The following RNF17 variants were observed in gnomAD, a reference collection of about 807,000 sequenced individuals.
The protein encoded by RNF17 is spermatogenesis associated 23.
In RNF17, 31 loss-of-function variants were observed where a neutral mutation model predicts 200.5. That is an observed-to-expected ratio of 0.15 (90% CI 0.12 to 0.21). The LOEUF (loss-of-function observed/expected upper bound fraction) is 0.21. RNF17 is among the 10% of genes least tolerant of loss of function. The pLI, the probability that RNF17 is intolerant of heterozygous loss-of-function variation, is 1.00. For synonymous variants in RNF17, 606 were observed against 637.8 expected (o/e 0.95, Z 0.75); for missense variants, 1,628 against 1,905.1 (o/e 0.85, Z 2.71).
Position 24,862,737 on chromosome 13 carries a change from G to A in RNF17, c.3919G>A (p.Ala1307Thr). The stretch of plus-strand genomic sequence containing the variant: ...GGTTGGGAATGTCTGGCAACCAGAT[G>A]CAATAGAAGTTCTTCAACAACTGCT... Reference protein sequence around the residue: ...TPVGNVWQPDAIEVLQQLLSK... With the variant: ...TPVGNVWQPDTIEVLQQLLSK... The change falls in exon 28 of 36, where the codon GCA (alanine) becomes ACA (threonine). Residue 1307 changes from alanine to threonine, a missense_variant. Around this residue, in one of 5 missense-constraint regions of RNF17, gnomAD observed 609 missense variants for 681.9 expected, o/e 0.89. Transcript: ENST00000255324. 1 of 1,608,794 alleles carries A rather than the reference G, an allele frequency of 6.2e-7. No individual in the cohort carries two copies. The highest frequency in any genetic ancestry group is 8.5e-7 in the Non-Finnish European group (1 of 1,175,434).
chr13:24,842,753 T>C (rs1285428080), intron 19 of RNF17, among the ~76,000 whole-genome samples: 2 of 151,978 alleles, frequency 1.3e-5, no homozygotes, highest in African/African-American at 4.8e-5. Flanking sequence ...TGGAGGAGGC[T>C]GAGATGGGCG....
chr13:24,862,893 CCTT>C (rs1893241861), intron 28 of RNF17, 100 bp downstream of exon 28: 2 of 617,546 alleles, frequency 3.2e-6, no homozygotes, highest in Non-Finnish European at 5.6e-6. Flanking sequence ...ATGGTATATA[CCTT>C]CTTATGTGAA....
At chr13:24,784,626 G>A (rs1882854329) in intron 6 of RNF17, among the ~76,000 whole-genome samples, 1 of 152,112 alleles carries the variant, frequency 6.6e-6, no homozygotes, top group Non-Finnish European at 1.5e-5. Context: ...GTGTACAGTT[G>A]TTCATAATAG....
intron 6 of RNF17, among the ~76,000 whole-genome samples, chr13:24,786,052 T>C (rs11149218): frequency 0.12 from 18,855 of 152,180 alleles, 1,276 homozygotes; most frequent in Admixed American, 0.15. Flanking sequence ...GCCATTTGGT[T>C]TGTTTTCTGT....
intron 17 of RNF17, among the ~76,000 whole-genome samples, chr13:24,830,997 A>C (rs1301808471): frequency 6.6e-6 from 1 of 152,222 alleles, no homozygotes; most frequent in Non-Finnish European, 1.5e-5. Context: ...TAAAAAACTG[A>C]ACCTTGTTTA....
At chr13:24,850,214 T>G (rs1593427488) in intron 22 of RNF17, 127 bp from the exon 23 acceptor site, 2 of 483,790 alleles carry the variant, frequency 4.1e-6, no homozygotes. Context: ...ATGTTTAAAT[T>G]GTTTTTTTTA....
intron 23 of RNF17, among the ~76,000 whole-genome samples, chr13:24,851,093 C>G (rs1398537272): frequency 6.6e-6 from 1 of 152,188 alleles, no homozygotes; most frequent in East Asian, 1.9e-4. Context: ...CTCCCAGGTT[C>G]AAGAGCTTCT....
At chr13:24,825,307 TTGTA>T (rs139210865) in intron 15 of RNF17, among the ~76,000 whole-genome samples, 10,928 of 152,166 alleles carry the variant, frequency 0.072, 481 homozygotes, top group East Asian at 0.16. Context: ...ATGTAAGTGA[TTGTA>T]TGTGTGGTAA....
At chr13:24,767,226 T>C in intron 1 of RNF17, 46 bp from the exon 2 acceptor site, 1 of 1,346,686 alleles carries the variant, frequency 7.4e-7, no homozygotes, top group South Asian at 1.2e-5. Context: ...CCTGTCTCAA[T>C]AATCATCATC....
chr13:24,774,368 C>A (rs914905164), intron 2 of RNF17, among the ~76,000 whole-genome samples: 2 of 152,164 alleles, frequency 1.3e-5, no homozygotes, highest in African/African-American at 4.8e-5. Flanking sequence ...TGCCACCATG[C>A]CTGGCTAATT....
Position 24,842,065 on chromosome 13 carries a change from T to C in RNF17, c.2507T>C (p.Leu836Ser). The C allele has an allele frequency of 3.1e-6, 5 of 1,611,654 alleles. No individual in the cohort carries two copies. The South Asian group carries it at 5.5e-5, about 18-fold the overall frequency. ...GAAATTCTGGAAGATAATGTGCTCT[T>C]AGTTGAGCTTTTCGATTCTCTTGGT... is the stretch of plus-strand genomic sequence containing the variant. ...VIKILEDNVLLVELFDSLGAP... is the reference protein window; with the variant it reads ...VIKILEDNVLSVELFDSLGAP... Residue 836 changes from leucine (L) to serine (S), a missense_variant, in exon 19 of 36, where the codon TTA (leucine) becomes TCA (serine). Physicochemically the swap from Leu to Ser is moderately radical, Grantham distance 145. This residue lies in a region of RNF17 where 227 missense variants were observed against 319.8 expected (regional missense o/e 0.71). Coordinates refer to ENST00000255324, the MANE Select transcript of RNF17 (RefSeq NM_031277.3).
In RNF17 at chr13:24,843,988, T is replaced by TAA. The variant is rs1566212510; in HGVS notation, c.2831+18_2831+19dup. 1 of 690,662 alleles carries TAA rather than the reference T, an allele frequency of 1.4e-6. No individual in the cohort carries two copies. The highest frequency in any genetic ancestry group is 3.4e-5 in the East Asian group (1 of 29,032). The allele number at this position is 690,662 out of a possible 1,614,324, so 42.8% of individuals were successfully genotyped here. ...ACTTAATAGGTATAATATATATATA[T>TAA]AATATATAAGGAAAATATTGCATAT... is the stretch of plus-strand genomic sequence containing the variant. On this transcript the variant is annotated intron_variant, in intron 20 of 35. Transcript: ENST00000255324.
At chr13:24,854,198 T>G in intron 25 of RNF17, 54 bp downstream of exon 25, 1 of 1,365,670 alleles carries the variant, frequency 7.3e-7, no homozygotes, top group South Asian at 1.4e-5. Flanking sequence ...ACGACAGGGA[T>G]TGAAATACTT....
chr13:24,749,307 C>CTTTTTTTTTTTTTTTTTTTTTTTTTTTT, the RNF17 span, among the ~76,000 whole-genome samples: 3 of 108,030 alleles, frequency 2.8e-5, 1 homozygote, highest in Non-Finnish European at 5.3e-5. Flanking sequence ...TTCTTTCTTT[C>CTTTTTTTTTTTTTTTTTTTTTTTTTTTT]TTTTTTTTTT....
chr13:24,868,475 A>AT (rs1338118732), intron 30 of RNF17, 125 bp from the exon 31 acceptor site: 1 of 427,512 alleles, frequency 2.3e-6, no homozygotes, highest in African/African-American at 2.1e-5. Flanking sequence ...GTCTCAAAAA[A>AT]AAAAAAAAAA....
At position 24,764,260 on chromosome 13, in the gene RNF17, G is replaced by C; in HGVS notation, c.57G>C (p.Gly19=). The C allele has an allele frequency of 6.2e-7, 1 of 1,610,794 alleles. No individual in the cohort carries two copies. Among genetic ancestry groups the C allele is most frequent in the Non-Finnish European group, 8.5e-7 (1 of 1,177,516 alleles). ...CTAGGTCTTCCTACCAGCGAATGGG[G>C]AGGAAGAGTCAGCCCTGGGGTGCCG... is the stretch of plus-strand genomic sequence containing the variant. The part of the protein sequence containing the change: ...GPSRSSYQRM[G]RKSQPWGAAE... The change falls in exon 1 of 36, where the codon GGG becomes GGC. Residue 19 remains glycine, a synonymous_variant. Transcript: ENST00000255324.
intron 17 of RNF17, among the ~76,000 whole-genome samples, chr13:24,831,373 C>G (rs527886239): frequency 1.3e-5 from 2 of 152,096 alleles, no homozygotes; most frequent in South Asian, 4.1e-4. Context: ...ACCCGGGAGG[C>G]GGAGGTTGCG....
intron 10 of RNF17, among the ~76,000 whole-genome samples, chr13:24,793,703 C>CAGA (rs1884178373): frequency 6.6e-6 from 1 of 152,168 alleles, no homozygotes. Context: ...TTAAGAACAT[C>CAGA]TCTTCAATCT....
upstream of RNF17, among the ~76,000 whole-genome samples, chr13:24,759,235 T>C (rs1189087922): frequency 6.6e-6 from 1 of 152,178 alleles, no homozygotes. Flanking sequence ...GTCAAGACTG[T>C]AACTTCTGAG....
Sources: gnomAD v4.1 joint callset for allele counts (sites outside exome capture counted in the v4.1 genomes callset) on GRCh38, gnomAD v4.1.1 for gene constraint, gnomAD v4.1.1 regional missense constraint, MANE v1.5 for transcripts, NCBI Gene and HGNC (gene_info 2026-07-23, HGNC 2026-07-21) for gene names.